ADGRB1: variants seen among roughly 807,000 people sequenced by gnomAD.
The protein encoded by ADGRB1 is brain-specific angiogenesis inhibitor 1.
Under a neutral mutation model 175.7 loss-of-function variants are expected in ADGRB1, and 36 were observed. The ratio of observed to expected loss-of-function variants is 0.20; its 90% CI spans 0.16 to 0.27. ADGRB1 has a LOEUF of 0.27. Ranked by LOEUF, ADGRB1 falls within the 10% of genes least tolerant of loss-of-function variation. The pLI, the probability that ADGRB1 is intolerant of heterozygous loss-of-function variation, is 1.00. For synonymous variants in ADGRB1, 1,054 were observed against 979.4 expected, an observed-to-expected ratio of 1.08 and a Z score of -1.42; for missense variants, 1,731 against 2,255.3, an observed-to-expected ratio of 0.77 and a Z score of 4.71.
At chr8:142,467,658 T>C (rs1173468125) in intron 2 of ADGRB1, among the ~76,000 whole-genome samples, 1 of 152,148 alleles carries the variant, frequency 6.6e-6, no homozygotes, top group Non-Finnish European at 1.5e-5. Flanking sequence ...GGTGGGGCAA[T>C]GGATGCTTGA....
At chr8:142,541,844 C>T in intron 27 of ADGRB1, 97 bp from the exon 28 acceptor site, 1 of 1,319,818 alleles carries the variant, frequency 7.6e-7, no homozygotes, top group East Asian at 2.5e-5. Flanking sequence ...AGGTGGCGGC[C>T]TCGCAGGGCA....
At chr8:142,483,065 CAG>C (rs1297366663) in intron 11 of ADGRB1, among the ~76,000 whole-genome samples, 2 of 150,086 alleles carry the variant, frequency 1.3e-5, no homozygotes, top group Admixed American at 1.3e-4. Flanking sequence ...TGGTTACACT[CAG>C]AACCCTGACA....
chr8:142,463,155 G>A (rs1313125218), intron 1 of ADGRB1, among the ~76,000 whole-genome samples: 1 of 152,210 alleles, frequency 6.6e-6, no homozygotes, highest in Non-Finnish European at 1.5e-5. Context: ...GAAGGGCAGA[G>A]GTGAGGTGGC....
At chr8:142,529,657 TGA>T (rs780798539) in intron 24 of ADGRB1, among the ~76,000 whole-genome samples, 11 of 148,628 alleles carry the variant, frequency 7.4e-5, no homozygotes, top group African/African-American at 1.3e-4. Flanking sequence ...TATGCGTGTG[TGA>T]GTGTGCATCT....
chr8:142,511,319 T>A lies in ADGRB1; in HGVS notation c.2817+246T>A, dbSNP rs1465657196. On this transcript the variant is annotated intron_variant, in intron 18 of 30. Coordinates refer to ENST00000517894, the MANE Select transcript of ADGRB1 (RefSeq NM_001702.3). This position sits in a 1 kb window ranked among gnomAD's most constrained non-coding sequence, Gnocchi z 4.5. ...GGGAGGAGTCGGGACCCCCGGAAAG[T>A]GGCTGATGGGTGGGTCCCATCTCCC... 6.6e-6 allele frequency among the ~76,000 whole-genome samples: 1 copy of A among 151,608 alleles called. No homozygotes were observed. Among genetic ancestry groups the A allele is most frequent in the African/African-American group, 2.4e-5 (1 of 41,260 alleles).
chr8:142,469,252 T>C (rs898403472), intron 2 of ADGRB1, among the ~76,000 whole-genome samples: 1 of 151,302 alleles, frequency 6.6e-6, no homozygotes, highest in African/African-American at 2.4e-5. Flanking sequence ...CACATGCATG[T>C]GTGTGAATGT....
chr8:142,527,940 C>T (rs1342523895), intron 24 of ADGRB1, among the ~76,000 whole-genome samples: 4 of 152,242 alleles, frequency 2.6e-5, no homozygotes, highest in African/African-American at 9.6e-5. Context: ...GAACTAAGCC[C>T]AGGCGGCCTG....
intron 23 of ADGRB1, among the ~76,000 whole-genome samples, chr8:142,525,453 G>A (rs933126106): frequency 2.0e-5 from 3 of 152,092 alleles, no homozygotes; most frequent in African/African-American, 7.2e-5. Context: ...CCTGTCCTTG[G>A]GGCCACGTGG....
intron 18 of ADGRB1, among the ~76,000 whole-genome samples, chr8:142,513,903 C>T (rs1199102567): frequency 6.6e-6 from 1 of 151,990 alleles, no homozygotes; most frequent in African/African-American, 2.4e-5. Context: ...CTGCGGGGAG[C>T]CCGAGCTTAC....
chr8:142,456,926 C>T (rs1230043621), intron 1 of ADGRB1, among the ~76,000 whole-genome samples: 1 of 152,264 alleles, frequency 6.6e-6, no homozygotes, highest in Non-Finnish European at 1.5e-5. Flanking sequence ...GTGGGCAGCC[C>T]TGCCTTCGAG....
At chr8:142,514,575 G>A (rs1428216748) in intron 18 of ADGRB1, among the ~76,000 whole-genome samples, 1 of 152,178 alleles carries the variant, frequency 6.6e-6, no homozygotes, top group African/African-American at 2.4e-5. Context: ...TCTGTGATGT[G>A]CCTCAGACTG....
At position 142,537,141 on chromosome 8, in the gene ADGRB1, G is replaced by A; in HGVS notation, c.3666+59G>A. ...TACCTGCCTCGTACCCCCGCCAAGT[G>A]CCTCCAGGCCCTCACCGTGCCCCAA... On this transcript the variant is annotated intron_variant, in intron 26 of 30. Coordinates refer to ENST00000517894, the MANE Select transcript of ADGRB1 (RefSeq NM_001702.3). The surrounding 1 kb of genome is among the most constrained non-coding windows in gnomAD (Gnocchi z 4.6). The A allele has an allele frequency of 7.6e-7, 1 of 1,313,290 alleles. No individual in the cohort carries two copies. The allele number at this position is 1,313,290 out of a possible 1,614,324, so 81.4% of individuals were successfully genotyped here.
intron 17 of ADGRB1, among the ~76,000 whole-genome samples, chr8:142,496,050 G>T (rs376278105): frequency 2.3e-4 from 35 of 151,302 alleles, no homozygotes; most frequent in African/African-American, 8.5e-4. Context: ...AGGTGGGTGT[G>T]TGAATGACTG....
rs530263685 is a variant in ADGRB1, at chr8:142,492,320, G to A, written c.2675+1505G>A. Among the ~76,000 whole-genome samples, 1 of 152,254 alleles carries A rather than the reference G, an allele frequency of 6.6e-6. No homozygotes were observed. Among genetic ancestry groups the A allele is most frequent in the South Asian group, 2.1e-4 (1 of 4,824 alleles). On this transcript the variant is annotated intron_variant, in intron 17 of 30. Coordinates refer to ENST00000517894, the MANE Select transcript of ADGRB1 (RefSeq NM_001702.3). The surrounding 1 kb of genome is among the most constrained non-coding windows in gnomAD (Gnocchi z 4.4). ...CCTCTGATGGGCACTATTCTGGCAGGTCCCAGCCTTTAGCCTCCTCTCCCC... is the reference window on the plus strand; with the variant it reads ...CCTCTGATGGGCACTATTCTGGCAGATCCCAGCCTTTAGCCTCCTCTCCCC...
At chr8:142,507,094 C>A (rs1175082305) in intron 17 of ADGRB1, among the ~76,000 whole-genome samples, 1 of 152,242 alleles carries the variant, frequency 6.6e-6, no homozygotes, top group Non-Finnish European at 1.5e-5. Flanking sequence ...TCGCTGCTTC[C>A]CTGAGCCTTG....
chr8:142,454,656 C>T (rs1016005426), intron 1 of ADGRB1, among the ~76,000 whole-genome samples: 13 of 152,228 alleles, frequency 8.5e-5, no homozygotes, highest in Admixed American at 3.3e-4. Context: ...CTTCATCAGG[C>T]CCCAGCGCCT....
At chr8:142,473,704 C>T (rs1172239099) in intron 2 of ADGRB1, among the ~76,000 whole-genome samples, 1 of 152,226 alleles carries the variant, frequency 6.6e-6, no homozygotes, top group Admixed American at 6.5e-5. Flanking sequence ...GGGAGTATGG[C>T]TCTGTGAGTG....
intron 1 of ADGRB1, among the ~76,000 whole-genome samples, chr8:142,453,377 G>A (rs1435929481): frequency 1.3e-5 from 2 of 152,202 alleles, no homozygotes; most frequent in Non-Finnish European, 2.9e-5. Context: ...TCTGCTCTGT[G>A]TGCACGGGAT....
chr8:142,496,695 C>G (rs1468820463), intron 17 of ADGRB1, among the ~76,000 whole-genome samples: 1 of 152,162 alleles, frequency 6.6e-6, no homozygotes, highest in Admixed American at 6.5e-5. Context: ...TGTCTTTACT[C>G]GAAGCGTGGT....
Sources: gnomAD v4.1 joint callset for allele counts (sites outside exome capture counted in the v4.1 genomes callset) on GRCh38, gnomAD v4.1.1 for gene constraint, Gnocchi (gnomAD v3.1) non-coding constraint, MANE v1.5 for transcripts, NCBI Gene and HGNC (gene_info 2026-07-23, HGNC 2026-07-21) for gene names.